Variants in SYNE2 observed in about 807,000 individuals in gnomAD.
The protein encoded by SYNE2 is nesprin-2.
SYNE2 carries 431 observed loss-of-function variants against 856.3 expected under a neutral mutation model. The ratio of observed to expected loss-of-function variants is 0.50; its 90% CI spans 0.47 to 0.55. The LOEUF is 0.55. Among genes scored for constraint, SYNE2 ranks in the 20% least tolerant of loss-of-function variants. The probability of loss-of-function intolerance (pLI) is 0.00; values close to 1 mark genes in which losing one functional copy is unlikely to be tolerated. For synonymous variants in SYNE2, 2,923 were observed against 2,872.3 expected (o/e 1.02, Z -0.56); for missense variants, 8,129 against 8,023.2 (o/e 1.01, Z -0.50).
intron 1 of SYNE2, chr14:63,864,400 G>A (rs1422184366): frequency 6.6e-6 from 1 of 152,198 alleles, no homozygotes; most frequent in Admixed American, 6.5e-5. Context: ...ACTTCTGAAT[G>A]TTTGTAACCA....
At chr14:64,150,321 A>AAAAAAAAAAAAG (rs766798501) in intron 84 of SYNE2, among the ~76,000 whole-genome samples, 22 of 119,486 alleles carry the variant, frequency 1.8e-4, no homozygotes, top group East Asian at 2.7e-4. Flanking sequence ...AAAAAAAAAA[A>AAAAAAAAAAAAG]GGATCCTCCC....
intron 8 of SYNE2, 121 bp downstream of exon 8, chr14:63,955,036 T>G: frequency 1.2e-6 from 1 of 800,648 alleles, no homozygotes; most frequent in Non-Finnish European, 2.0e-6. Flanking sequence ...AGGGTTTAAC[T>G]TAAGCTCTTT....
At chr14:64,071,201 A>G (rs760568205) in intron 52 of SYNE2, among the ~76,000 whole-genome samples, 1 of 152,046 alleles carries the variant, frequency 6.6e-6, no homozygotes, top group African/African-American at 2.4e-5. Context: ...CATATTCATT[A>G]TAGGAAATTC....
chr14:64,024,430 G>T lies in SYNE2; in HGVS notation c.5811G>T (p.Glu1937Asp), dbSNP rs1014462703. 6.2e-7 allele frequency: 1 copy of T among 1,614,104 alleles called. No individual in the cohort carries two copies. Among genetic ancestry groups the T allele is most frequent in the Non-Finnish European group, 8.5e-7 (1 of 1,179,974 alleles). Reference protein sequence around the residue: ...MESICQARAKELEDSLQQLLR... With the variant: ...MESICQARAKDLEDSLQQLLR... ...CCATATGCCAGGCTCGAGCAAAGGA[G>T]CTTGAAGACTCCTTGCAGCAGCTAC... The change falls in exon 39 of 116, where the codon GAG becomes GAT. Residue 1937 changes from glutamate to aspartate, a missense_variant. Physicochemically the swap from Glu to Asp is conservative, Grantham distance 45 (BLOSUM62 2). Transcript: ENST00000555002.
At chr14:64,082,170 T>C (rs2097529563) in intron 57 of SYNE2, among the ~76,000 whole-genome samples, 1 of 152,108 alleles carries the variant, frequency 6.6e-6, no homozygotes, top group Admixed American at 6.5e-5. Context: ...TCCCATCCTC[T>C]GGTGTATATG....
intron 51 of SYNE2, among the ~76,000 whole-genome samples, chr14:64,066,707 C>A (rs997532479): frequency 6.6e-6 from 1 of 152,188 alleles, no homozygotes; most frequent in Non-Finnish European, 1.5e-5. Flanking sequence ...GGCACCAGTG[C>A]TTGCCTGTCC....
intron 9 of SYNE2, among the ~76,000 whole-genome samples, chr14:63,962,745 T>C (rs2096337728): frequency 6.6e-6 from 1 of 152,192 alleles, no homozygotes. Context: ...TTTCACCATG[T>C]TGGCCAGGCT....
intron 64 of SYNE2, among the ~76,000 whole-genome samples, chr14:64,103,599 G>A (rs1761554456): frequency 6.6e-6 from 1 of 151,954 alleles, no homozygotes; most frequent in African/African-American, 2.4e-5. Context: ...CTGCTCTCAG[G>A]CCAACTCTTT....
intron 61 of SYNE2, 135 bp from the exon 62 acceptor site, chr14:64,097,814 C>A: frequency 1.2e-6 from 1 of 860,140 alleles, no homozygotes; most frequent in Non-Finnish European, 2.0e-6. Context: ...TATACCGTAC[C>A]AGAGACTAGC....
rs900691379 is a variant in SYNE2 at position 64,211,843 on chromosome 14, C to T, written c.18724-118C>T. On this transcript the variant is annotated intron_variant, in intron 103 of 115. Transcript: ENST00000555002. ...TGGGGCTTTCTGGGTACCCTAGAGG[C>T]AGATTTCTCCCTGAGTATTCTGGGT... 17 of 1,465,324 alleles carry T rather than the reference C, an allele frequency of 1.2e-5. No individual in the cohort carries two copies. In the Admixed American group the frequency reaches 2.4e-4, roughly 20 times the overall value. The allele number at this position is 1,465,324 out of a possible 1,614,324, so 90.8% of individuals were successfully genotyped here.
chr14:63,999,303 A>G (rs1323987755), intron 27 of SYNE2, among the ~76,000 whole-genome samples: 1 of 152,144 alleles, frequency 6.6e-6, no homozygotes, highest in Non-Finnish European at 1.5e-5. Context: ...TGGCTTGAAT[A>G]GTTTTTGTTT....
At chr14:64,030,683 A>T (rs2097026923) in intron 44 of SYNE2, among the ~76,000 whole-genome samples, 1 of 152,232 alleles carries the variant, frequency 6.6e-6, no homozygotes, top group South Asian at 2.1e-4. Flanking sequence ...AATACTTCAC[A>T]CATAATAGGC....
Position 64,137,879 on chromosome 14 carries a change from A to G in SYNE2, c.14739A>G (p.Glu4913=), listed in dbSNP as rs550403912. 6.2e-7 allele frequency: 1 copy of G among 1,614,192 alleles called. No homozygotes were observed. The highest frequency in any genetic ancestry group is 1.1e-5 in the South Asian group (1 of 91,082). The part of the protein sequence containing the change: ...KQLVASVSCP[E]LEGQIAKLEE... ...TGGTGGCGTCTGTGAGCTGTCCTGA[A>G]TTAGAGGGCCAGATCGCAAAACTGG... The change falls in exon 79 of 116, where the codon GAA becomes GAG. Residue 4913 remains glutamate (E), a synonymous_variant. Coordinates refer to ENST00000555002, the MANE Select transcript of SYNE2 (RefSeq NM_182914.3).
chr14:64,186,709 C>G, intron 97 of SYNE2, 130 bp downstream of exon 97: 1 of 1,202,102 alleles, frequency 8.3e-7, no homozygotes, highest in Non-Finnish European at 1.2e-6. Flanking sequence ...CTGGCCCGGC[C>G]GCTGCTCCTT....
rs752935094 is a variant in SYNE2 at position 64,130,160 on chromosome 14, T to C, written c.14252T>C (p.Val4751Ala). The C allele has an allele frequency of 3.9e-5, 63 of 1,614,048 alleles. No individual in the cohort carries two copies. The Middle Eastern group carries it at 5.0e-4, about 13-fold the overall frequency. ...DALLQGMVEL[V>A]KIGKEKLAHG... ...TTGTTGCAAGGCATGGTGGAACTGG[T>C]GAAGATTGGGAAGGAAAAGCTTGCT... The change falls in exon 76 of 116, where the codon GTG (valine) becomes GCG (alanine). Residue 4751 changes from valine (V) to alanine (A), a missense_variant. Physicochemically the swap from Val to Ala is moderately conservative, Grantham distance 64. This residue lies in a region of SYNE2 where 5,410 missense variants were observed against 5,284.8 expected (regional missense o/e 1.02). Coordinates refer to ENST00000555002, the MANE Select transcript of SYNE2 (RefSeq NM_182914.3).
Position 64,003,274 on chromosome 14 carries a change from G to C in SYNE2, c.4341G>C (p.Gln1447His). 1 of 1,614,060 alleles carries C rather than the reference G, an allele frequency of 6.2e-7. No homozygotes were observed. Among genetic ancestry groups the C allele is most frequent in the African/African-American group, 1.3e-5 (1 of 75,028 alleles). The change falls in exon 30 of 116, where the codon CAG becomes CAC. Residue 1447 changes from glutamine to histidine, a missense_variant. Gln to His is a conservative substitution (Grantham distance 24, BLOSUM62 0). Coordinates refer to ENST00000555002, the MANE Select transcript of SYNE2 (RefSeq NM_182914.3). ...TCCTTAAAAATATTCAAGATGTGCA[G>C]AGTCAAATCAGTAAAATTGGTCTTA... ...NELLKNIQDV[Q>H]SQISKIGLKD...
intron 33 of SYNE2, among the ~76,000 whole-genome samples, chr14:64,016,885 C>G (rs541386799): frequency 6.6e-6 from 1 of 152,062 alleles, no homozygotes; most frequent in African/African-American, 2.4e-5. Flanking sequence ...ATGCAGTATA[C>G]TGATGTTTAA....
intron 48 of SYNE2, among the ~76,000 whole-genome samples, chr14:64,054,772 T>C (rs978128629): frequency 1.3e-5 from 2 of 152,210 alleles, no homozygotes; most frequent in Non-Finnish European, 2.9e-5. Flanking sequence ...CTGTGCTGAA[T>C]GTAATGCCAT....
At chr14:64,175,646 T>C (rs1171344610) in intron 95 of SYNE2, among the ~76,000 whole-genome samples, 1 of 152,246 alleles carries the variant, frequency 6.6e-6, no homozygotes, top group Non-Finnish European at 1.5e-5. Context: ...CCTGAACTAC[T>C]GTGCTCTTTG....
Sources: allele counts gnomAD v4.1 joint callset (sites outside exome capture counted in the v4.1 genomes callset), GRCh38; gene constraint gnomAD v4.1.1; regional missense constraint gnomAD v4.1.1; transcripts MANE v1.5; gene names NCBI Gene and HGNC (gene_info 2026-07-23, HGNC 2026-07-21).